The following MEGF11 variants were observed in gnomAD, a reference collection of about 807,000 sequenced individuals.
MEGF11 encodes multiple EGF like domains 11, also known as multiple epidermal growth factor-like domains protein 11.
MEGF11 carries 126 observed loss-of-function variants against 146.6 expected under a neutral mutation model. The ratio of observed to expected loss-of-function variants is 0.86; its 90% confidence interval spans 0.74 to 1.00. The LOEUF is 1.00. Among genes scored for constraint, MEGF11 ranks in the 50% least tolerant of loss-of-function variants. The pLI is 0.00. For synonymous variants in MEGF11, 532 were observed against 583.4 expected (o/e 0.91, Z 1.27); for missense variants, 1,509 against 1,521.2 (o/e 0.99, Z 0.13).
intron 1 of MEGF11, among the ~76,000 whole-genome samples, chr15:66,216,785 T>A (rs948401558): frequency 2.0e-5 from 3 of 152,202 alleles, no homozygotes; most frequent in African/African-American, 7.2e-5. Flanking sequence ...GGCTACAGTA[T>A]GCTGCCCAGA....
chr15:66,143,493 G>A (rs2089250643), intron 1 of MEGF11, among the ~76,000 whole-genome samples: 2 of 152,210 alleles, frequency 1.3e-5, no homozygotes, highest in Admixed American at 6.5e-5. Context: ...CAGACAGAAG[G>A]GCTGGCTGCC....
intron 20 of MEGF11, 93 bp from the exon 21 acceptor site, chr15:65,912,293 G>A (rs941646771): frequency 3.3e-5 from 25 of 757,034 alleles, no homozygotes; most frequent in Non-Finnish European, 4.5e-5. Flanking sequence ...AGCCTTGAGA[G>A]AGCCCTGCAA....
intron 5 of MEGF11, among the ~76,000 whole-genome samples, chr15:66,007,378 C>T (rs1189961501): frequency 6.6e-6 from 1 of 152,154 alleles, no homozygotes; most frequent in Non-Finnish European, 1.5e-5. Context: ...TATTTTGATT[C>T]CCTGCTAGGT....
intron 1 of MEGF11, among the ~76,000 whole-genome samples, chr15:66,239,022 T>C (rs1376091808): frequency 6.6e-6 from 1 of 152,198 alleles, no homozygotes; most frequent in Non-Finnish European, 1.5e-5. Context: ...TCACTAAACA[T>C]TGACTGAATG....
At chr15:65,948,407 G>A (rs942060309) in intron 10 of MEGF11, among the ~76,000 whole-genome samples, 2 of 151,978 alleles carry the variant, frequency 1.3e-5, no homozygotes, top group African/African-American at 4.8e-5. Context: ...GTTTTACAGC[G>A]TTACACCCTG....
intron 5 of MEGF11, among the ~76,000 whole-genome samples, chr15:66,053,061 T>C (rs991156420): frequency 1.3e-5 from 2 of 151,738 alleles, no homozygotes; most frequent in African/African-American, 2.4e-5. Flanking sequence ...CATGGATGGA[T>C]AGATGGATGG....
At chr15:65,959,922 C>A (rs1262788054) in intron 9 of MEGF11, among the ~76,000 whole-genome samples, 1 of 152,208 alleles carries the variant, frequency 6.6e-6, no homozygotes, top group East Asian at 1.9e-4. Context: ...ATTTTGTCCA[C>A]TGCCTCATGC....
chr15:65,917,084 CA>C (rs1189185358), intron 16 of MEGF11, 128 bp from the exon 17 acceptor site: 2 of 1,028,926 alleles, frequency 1.9e-6, no homozygotes, highest in African/African-American at 3.3e-5. Context: ...TCCTGGCTTT[CA>C]GGGGCTTCAT....
At chr15:66,107,768 C>A (rs989202556) in intron 4 of MEGF11, among the ~76,000 whole-genome samples, 1 of 152,200 alleles carries the variant, frequency 6.6e-6, no homozygotes, top group Non-Finnish European at 1.5e-5. Flanking sequence ...CTTTGGGTAT[C>A]CCTTGAGTGT....
chr15:66,193,342 T>C lies in MEGF11; in HGVS notation c.-9+60263A>G, dbSNP rs532878332. On this transcript the variant is annotated intron_variant, in intron 1 of 25. Coordinates refer to ENST00000395614, the MANE Select transcript of MEGF11 (RefSeq NM_001385028.1). ...TTTCAAAAGCTTTCGACTTCATTCATTGATTCATGCAACAGAAATCTGTTC... is the reference window on the plus strand; with the variant it reads ...TTTCAAAAGCTTTCGACTTCATTCACTGATTCATGCAACAGAAATCTGTTC... Among the ~76,000 whole-genome samples, 51 of 152,316 alleles carry C rather than the reference T, an allele frequency of 3.3e-4. 1 individual carries two copies. The highest frequency in any genetic ancestry group is 1.2e-3 in the African/African-American group (50 of 41,586).
At chr15:66,094,217 C>T (rs576224344) in intron 5 of MEGF11, among the ~76,000 whole-genome samples, 185 bp downstream of exon 5, 203 of 152,294 alleles carry the variant, frequency 1.3e-3, no homozygotes, top group Non-Finnish European at 2.3e-3. Flanking sequence ...CCATAAATCA[C>T]CATCCCTCAA....
intron 5 of MEGF11, among the ~76,000 whole-genome samples, chr15:66,053,919 C>T (rs1049313708): frequency 6.6e-6 from 1 of 151,614 alleles, no homozygotes; most frequent in Non-Finnish European, 1.5e-5. Flanking sequence ...AGGGTTTTGC[C>T]ATGTTGCCCA....
intron 10 of MEGF11, among the ~76,000 whole-genome samples, chr15:65,950,596 C>G (rs932111246): frequency 9.6e-5 from 2 of 20,836 alleles, no homozygotes; most frequent in East Asian, 5.1e-4. Flanking sequence ...CACACACACA[C>G]ACACACACAC....
Position 65,898,082 on chromosome 15 carries a change from C to G in MEGF11, c.3275G>C (p.Ser1092Thr). ...ATGACCGCAACCTTCTTGGACCACA[C>G]TGACTGTGGGCTCTAAGAAATATAG... ...KNIYEVEPTV[S>T]VVQEGCGHNS... Residue 1092 changes from serine (S) to threonine (T), a missense_variant, in exon 26 of 26, where the codon AGT (serine) becomes ACT (threonine). Coordinates refer to ENST00000395614, the MANE Select transcript of MEGF11 (RefSeq NM_001385028.1). The G allele has an allele frequency of 6.2e-7, 1 of 1,613,548 alleles. No homozygotes were observed. Among genetic ancestry groups the G allele is most frequent in the Non-Finnish European group, 8.5e-7 (1 of 1,179,636 alleles).
chr15:66,150,843 A>ATT (rs755932430), intron 1 of MEGF11, among the ~76,000 whole-genome samples: 8,446 of 134,206 alleles, frequency 0.063, 409 homozygotes, highest in East Asian at 0.23. Flanking sequence ...AGAGAGAGAG[A>ATT]GAGAGAGAGA....
intron 24 of MEGF11, among the ~76,000 whole-genome samples, chr15:65,899,270 A>C (rs114955121): frequency 0.068 from 10,380 of 152,302 alleles, 370 homozygotes; most frequent in Middle Eastern, 0.099. Flanking sequence ...TATGAGATCA[A>C]GGCTCAGAGA....
In MEGF11 at chr15:65,897,288, T is replaced by C. The variant is rs2078376311; in HGVS notation, c.*646A>G. ...TTGGAAACGTGTGTGTGTGTCTCTG[T>C]GTGTTTAAACCTATCACTTAGGGGG... On this transcript the variant is annotated 3_prime_UTR_variant, in exon 26 of 26. Transcript: ENST00000395614. 6.6e-6 allele frequency: 1 copy of C among 152,356 alleles called. No individual in the cohort carries two copies. Among genetic ancestry groups the C allele is most frequent in the African/African-American group, 2.4e-5 (1 of 41,586 alleles). The allele number at this position is 152,356 out of a possible 1,614,324, so 9.4% of individuals were successfully genotyped here.
chr15:66,065,384 C>T (rs543099680), intron 5 of MEGF11, among the ~76,000 whole-genome samples: 2 of 152,134 alleles, frequency 1.3e-5, no homozygotes, highest in East Asian at 3.9e-4. Context: ...TCCTGGTAAA[C>T]CTCCTGTGGC....
intron 1 of MEGF11, among the ~76,000 whole-genome samples, chr15:66,156,064 C>T (rs986161705): frequency 6.6e-6 from 1 of 152,122 alleles, no homozygotes; most frequent in Admixed American, 6.5e-5. Context: ...CAAAGGGTCT[C>T]GATGGCCACA....
Sources: allele counts gnomAD v4.1 joint callset (sites outside exome capture counted in the v4.1 genomes callset), GRCh38; gene constraint gnomAD v4.1.1; transcripts MANE v1.5; gene names NCBI Gene and HGNC (gene_info 2026-07-23, HGNC 2026-07-21).